B3GALT1: variants seen among roughly 807,000 people sequenced by gnomAD.
The protein encoded by B3GALT1 is beta-1,3-galactosyltransferase 1.
A neutral mutation model predicts 23.2 loss-of-function variants in B3GALT1; 10 were observed. The observed-to-expected ratio is 0.43, with a 90% CI of 0.27 to 0.73. The LOEUF is 0.73. B3GALT1 is among the 30% of genes least tolerant of loss of function. B3GALT1 has a pLI of 0.21. For missense variants in B3GALT1, 299 were observed against 405.4 expected, an observed-to-expected ratio of 0.74 and a Z score of 2.25; for synonymous variants, 156 against 141.5, an observed-to-expected ratio of 1.10 and a Z score of -0.73.
intron 3 of B3GALT1, among the ~76,000 whole-genome samples, chr2:167,755,259 C>T (rs1219722573): frequency 6.6e-6 from 1 of 151,914 alleles, no homozygotes; most frequent in Non-Finnish European, 1.5e-5. Flanking sequence ...GCTAGAAGTA[C>T]GATGCCCTGA....
intron 4 of B3GALT1, among the ~76,000 whole-genome samples, chr2:167,836,011 C>T (rs1409206974): frequency 6.6e-6 from 1 of 152,002 alleles, no homozygotes. Flanking sequence ...GAAAGGACAT[C>T]CACACCAAAA....
At position 167,589,675 on chromosome 2, in the gene B3GALT1, G is replaced by A. The variant is rs139768325; in HGVS notation, c.-409-57234G>A. The stretch of plus-strand genomic sequence containing the variant: ...TAATCTGTCTTTTATGCTGACACTA[G>A]TACTACTTTTAGGGATTTTTATTAG... On this transcript the variant is annotated intron_variant, in intron 2 of 4. Coordinates refer to ENST00000392690, the MANE Select transcript of B3GALT1 (RefSeq NM_020981.4). 2.0e-4 allele frequency among the ~76,000 whole-genome samples: 30 copies of A among 151,934 alleles called. No individual in the cohort carries two copies. In the East Asian group the frequency reaches 5.2e-3, roughly 26 times the overall value.
intron 1 of B3GALT1, among the ~76,000 whole-genome samples, chr2:167,373,093 A>G (rs2105270935): frequency 6.6e-6 from 1 of 152,266 alleles, no homozygotes; most frequent in East Asian, 1.9e-4. Context: ...TGATTTTTAC[A>G]TAAGGTTCTA....
rs146766000 is a variant in B3GALT1, at chr2:167,844,925, G to C, written c.-229-23886G>C. On this transcript the variant is annotated intron_variant, in intron 4 of 4. Coordinates refer to ENST00000392690, the MANE Select transcript of B3GALT1 (RefSeq NM_020981.4). ...AGGGGGCACAGTGGGAGTGTGACTG[G>C]CCCTTTGGTTTGCATGAGAGCTGGG... is the stretch of plus-strand genomic sequence containing the variant. Among the ~76,000 whole-genome samples, 6 of 152,206 alleles carry C rather than the reference G, an allele frequency of 3.9e-5. 1 individual carries two copies. Among genetic ancestry groups the C allele is most frequent in the African/African-American group, 1.4e-4 (6 of 41,540 alleles).
At chr2:167,535,257 G>T (rs1447472658) in intron 2 of B3GALT1, among the ~76,000 whole-genome samples, 1 of 152,068 alleles carries the variant, frequency 6.6e-6, no homozygotes, top group Non-Finnish European at 1.5e-5. Flanking sequence ...GTGCAATAAG[G>T]CTGAGCATGG....
chr2:167,867,218 G>C (rs2615316), intron 4 of B3GALT1, among the ~76,000 whole-genome samples: 1 of 152,122 alleles, frequency 6.6e-6, no homozygotes, highest in Non-Finnish European at 1.5e-5. Context: ...GAGCCACCGC[G>C]CCCGGCCGAG....
At chr2:167,340,311 G>A (rs1478083211) in intron 1 of B3GALT1, among the ~76,000 whole-genome samples, 3 of 129,926 alleles carry the variant, frequency 2.3e-5, no homozygotes, top group Admixed American at 7.9e-5. Flanking sequence ...GTGGTACAGG[G>A]AGAAAAAAAA....
In B3GALT1 at chr2:167,545,023, CTTTTTTTTTTT is replaced by C. The variant is rs869066627; in HGVS notation, c.-410+54767_-410+54777del. 8.9e-3 allele frequency among the ~76,000 whole-genome samples: 482 copies of C among 54,296 alleles called. 8 individuals carry two copies. The highest frequency in any genetic ancestry group is 0.035 in the African/African-American group (454 of 12,814). The allele number at this position is 54,296 out of a possible 152,430, so 35.6% of individuals were successfully genotyped here. ...GGAAGGCCGCTTTTGGCTTGGGTGT[CTTTTTTTTTTT>C]TTTTTTTTTTTTTTTTTTTTGAGAC... On this transcript the variant is annotated intron_variant, in intron 2 of 4. Transcript: ENST00000392690.
At chr2:167,833,202 C>T (rs747347767) in intron 4 of B3GALT1, among the ~76,000 whole-genome samples, 16 of 152,156 alleles carry the variant, frequency 1.1e-4, no homozygotes, top group Non-Finnish European at 1.5e-4. Flanking sequence ...GCCAGAGTTT[C>T]GATTCACTCT....
At chr2:167,775,794 T>A (rs1423061703) in intron 3 of B3GALT1, among the ~76,000 whole-genome samples, 2 of 151,694 alleles carry the variant, frequency 1.3e-5, no homozygotes, top group African/African-American at 4.8e-5. Flanking sequence ...ACCAGCAACA[T>A]CTTTACATAA....
chr2:167,601,392 A>G (rs760235051), intron 2 of B3GALT1, among the ~76,000 whole-genome samples: 1 of 152,194 alleles, frequency 6.6e-6, no homozygotes, highest in Non-Finnish European at 1.5e-5. Flanking sequence ...GCAAGATTAC[A>G]TTCCCTCTTT....
intron 1 of B3GALT1, among the ~76,000 whole-genome samples, chr2:167,462,999 A>C (rs1366244520): frequency 2.6e-5 from 4 of 152,118 alleles, no homozygotes; most frequent in Non-Finnish European, 5.9e-5. Context: ...ATAAATGAGA[A>C]CGTATCTGTT....
chr2:167,664,467 A>T (rs1686134559), intron 3 of B3GALT1, among the ~76,000 whole-genome samples: 1 of 151,978 alleles, frequency 6.6e-6, no homozygotes, highest in Non-Finnish European at 1.5e-5. Context: ...TTCTATATGA[A>T]CTTTAAAGTA....
intron 3 of B3GALT1, among the ~76,000 whole-genome samples, chr2:167,663,073 A>G (rs1686096950): frequency 6.6e-6 from 1 of 150,428 alleles, no homozygotes; most frequent in Non-Finnish European, 1.5e-5. Flanking sequence ...CTCATCATCT[A>G]GCATTACGTA....
intron 3 of B3GALT1, chr2:167,715,171 T>C (rs980084865): frequency 6.8e-5 from 110 of 1,613,832 alleles, no homozygotes; most frequent in African/African-American, 2.7e-5. Context: ...CATTTTCCGA[T>C]TGACTGTTCA....
In B3GALT1 at chr2:167,600,599, A is replaced by G. The variant is rs1032074021; in HGVS notation, c.-409-46310A>G. Among the ~76,000 whole-genome samples, 3 of 151,472 alleles carry G rather than the reference A, an allele frequency of 2.0e-5. No homozygotes were observed. In the East Asian group the frequency reaches 5.9e-4, roughly 30 times the overall value. On this transcript the variant is annotated intron_variant, in intron 2 of 4. Transcript: ENST00000392690. ...TAATCTGTTTTCTATGTGTAGATTT[A>G]CCTTTGCTGGATATCTCATATAATG...
intron 2 of B3GALT1, among the ~76,000 whole-genome samples, chr2:167,561,682 A>G (rs569143712): frequency 6.6e-6 from 1 of 152,368 alleles, no homozygotes; most frequent in South Asian, 2.1e-4. Context: ...AAACACCTCT[A>G]CGCAAATAAA....
intron 1 of B3GALT1, among the ~76,000 whole-genome samples, chr2:167,326,573 G>A (rs369622098): frequency 3.3e-5 from 5 of 151,970 alleles, no homozygotes; most frequent in Admixed American, 3.3e-4. Flanking sequence ...TGAGACTTAT[G>A]TTTCAGTCTT....
intron 4 of B3GALT1, among the ~76,000 whole-genome samples, chr2:167,850,154 G>A (rs1689850661): frequency 6.6e-6 from 1 of 152,134 alleles, no homozygotes; most frequent in African/African-American, 2.4e-5. Context: ...ATCTGACAAA[G>A]GACTAATATC....
Sources: allele counts gnomAD v4.1 joint callset (sites outside exome capture counted in the v4.1 genomes callset), GRCh38; gene constraint gnomAD v4.1.1; transcripts MANE v1.5; gene names NCBI Gene and HGNC (gene_info 2026-07-23, HGNC 2026-07-21).